Variants in PTPRD observed in about 807,000 individuals in gnomAD.
The protein encoded by PTPRD is protein tyrosine phosphatase receptor type D, also known as receptor-type tyrosine-protein phosphatase delta.
In PTPRD, 34 loss-of-function variants were observed where a neutral mutation model predicts 214.5. That is an observed-to-expected ratio of 0.16 (90% CI 0.12 to 0.21). PTPRD has a LOEUF of 0.21. PTPRD is among the 10% of genes least tolerant of loss of function. The pLI is 1.00. For synonymous variants in PTPRD, 1,128 were observed against 845.7 expected (o/e 1.33, Z -5.79); for missense variants, 2,545 against 2,398.7 (o/e 1.06, Z -1.27).
chr9:8,498,904 TGGAAATTTTC>T lies in PTPRD; in HGVS notation c.2322+733_2322+742del, dbSNP rs1214471942. 5.3e-5 allele frequency among the ~76,000 whole-genome samples: 8 copies of T among 152,340 alleles called. No individual in the cohort carries two copies. In the East Asian group the frequency reaches 1.5e-3, roughly 29 times the overall value. On this transcript the variant is annotated intron_variant, in intron 25 of 45. Coordinates refer to ENST00000381196, the MANE Select transcript of PTPRD (RefSeq NM_002839.4). The stretch of plus-strand genomic sequence containing the variant: ...ATCACCTCTAATTTATGAAAAATTT[TGGAAATTTTC>T]AATGCTCTGTTTTAAACAACTAATT...
chr9:9,418,982 A>G (rs781603986), intron 8 of PTPRD, among the ~76,000 whole-genome samples: 1 of 151,796 alleles, frequency 6.6e-6, no homozygotes, highest in Admixed American at 6.6e-5. Flanking sequence ...CTTTCTAGAT[A>G]AGCAATAAAT....
intron 9 of PTPRD, among the ~76,000 whole-genome samples, chr9:9,275,104 T>C (rs1252275613): frequency 4.3e-5 from 3 of 69,016 alleles, no homozygotes; most frequent in South Asian, 3.3e-4. Flanking sequence ...ATATATATAA[T>C]ATATTATATA....
intron 30 of PTPRD, among the ~76,000 whole-genome samples, chr9:8,471,693 G>A (rs767870613): frequency 6.6e-6 from 1 of 151,966 alleles, no homozygotes; most frequent in Non-Finnish European, 1.5e-5. Context: ...AGAAAATCAC[G>A]ACTTAAGGGC....
chr9:9,488,987 G>A (rs984098392), intron 8 of PTPRD, among the ~76,000 whole-genome samples: 1 of 152,088 alleles, frequency 6.6e-6, no homozygotes, highest in East Asian at 1.9e-4. Flanking sequence ...GGCCATTATT[G>A]TTGCACTACT....
intron 3 of PTPRD, among the ~76,000 whole-genome samples, chr9:10,100,907 C>A (rs1193450233): frequency 6.6e-6 from 1 of 151,582 alleles, no homozygotes; most frequent in Non-Finnish European, 1.5e-5. Context: ...GAGCAGGCAG[C>A]ATACTGAGAT....
chr9:8,610,167 G>T (rs2095394216), intron 14 of PTPRD, among the ~76,000 whole-genome samples: 1 of 152,100 alleles, frequency 6.6e-6, no homozygotes, highest in Non-Finnish European at 1.5e-5. Flanking sequence ...ATTATTATTT[G>T]TTGTTGTGCA....
chr9:9,879,392 A>G (rs1190101610), intron 5 of PTPRD, among the ~76,000 whole-genome samples: 1 of 152,178 alleles, frequency 6.6e-6, no homozygotes, highest in Non-Finnish European at 1.5e-5. Flanking sequence ...GAATCTGCCT[A>G]AGGGCAACCT....
intron 5 of PTPRD, among the ~76,000 whole-genome samples, chr9:9,796,753 G>A (rs1345903392): frequency 6.6e-6 from 1 of 152,116 alleles, no homozygotes; most frequent in Non-Finnish European, 1.5e-5. Flanking sequence ...AAGTCTTCAG[G>A]AATGAAAGGG....
At chr9:9,547,578 A>T (rs2079094320) in intron 8 of PTPRD, among the ~76,000 whole-genome samples, 2 of 152,200 alleles carry the variant, frequency 1.3e-5, no homozygotes, top group South Asian at 4.1e-4. Flanking sequence ...TGACACTCAT[A>T]GTAAAGGCTG....
At chr9:9,868,112 T>C (rs1212666080) in intron 5 of PTPRD, among the ~76,000 whole-genome samples, 4 of 152,164 alleles carry the variant, frequency 2.6e-5, no homozygotes, top group South Asian at 2.1e-4. Flanking sequence ...CACTATGCTT[T>C]TGGCAGTCTA....
intron 12 of PTPRD, among the ~76,000 whole-genome samples, chr9:8,707,342 A>C (rs1255851189): frequency 1.3e-5 from 2 of 152,226 alleles, no homozygotes; most frequent in Non-Finnish European, 2.9e-5. Flanking sequence ...AAATTGAATT[A>C]TGTCTCTCAA....
chr9:9,434,930 GTT>G (rs2084634302), intron 8 of PTPRD, among the ~76,000 whole-genome samples: 1 of 149,566 alleles, frequency 6.7e-6, no homozygotes. Context: ...AGTATCCTCT[GTT>G]TTCATTAGAC....
At chr9:8,780,121 T>A (rs2095637336) in intron 11 of PTPRD, among the ~76,000 whole-genome samples, 1 of 152,104 alleles carries the variant, frequency 6.6e-6, no homozygotes, top group Non-Finnish European at 1.5e-5. Flanking sequence ...AAGAATAGCA[T>A]TTTCCAAACA....
chr9:9,886,482 T>C (rs1017965215), intron 5 of PTPRD, among the ~76,000 whole-genome samples: 12 of 152,068 alleles, frequency 7.9e-5, no homozygotes, highest in Non-Finnish European at 1.6e-4. Flanking sequence ...GGCTGTGTAT[T>C]TTTCCCATGG....
rs572675575 is a variant in PTPRD, at chr9:8,349,765, C to G, written c.4662-7787G>C. Among the ~76,000 whole-genome samples the G allele has an allele frequency of 2.6e-5, 4 of 152,196 alleles. No individual in the cohort carries two copies. In the South Asian group the frequency reaches 8.3e-4, roughly 32 times the overall value. On this transcript the variant is annotated intron_variant, in intron 39 of 45. Coordinates refer to ENST00000381196, the MANE Select transcript of PTPRD (RefSeq NM_002839.4). ...ACAGAAAATTCCAGCAAAAAGAGAACGGCAAGTTTAAATGGAGTCTAGCAT... is the reference window on the plus strand; with the variant it reads ...ACAGAAAATTCCAGCAAAAAGAGAAGGGCAAGTTTAAATGGAGTCTAGCAT...
chr9:8,330,330 A>AAGTACATTGTTGTTTG, intron 44 of PTPRD, among the ~76,000 whole-genome samples: 1 of 152,098 alleles, frequency 6.6e-6, no homozygotes, highest in East Asian at 1.9e-4. Flanking sequence ...CAGCTCTTGT[A>AAGTACATTGTTGTTTG]AGTACATTGT....
chr9:8,545,362 G>A (rs541773287), intron 14 of PTPRD, among the ~76,000 whole-genome samples: 4 of 152,110 alleles, frequency 2.6e-5, no homozygotes, highest in Non-Finnish European at 5.9e-5. Context: ...GGGGTACCTG[G>A]ACTCCAGGAT....
intron 11 of PTPRD, among the ~76,000 whole-genome samples, chr9:8,917,833 A>T (rs758444287): frequency 1.3e-5 from 2 of 152,150 alleles, no homozygotes; most frequent in Non-Finnish European, 2.9e-5. Context: ...ATTGCTAGAG[A>T]CCATTTGATG....
intron 2 of PTPRD, among the ~76,000 whole-genome samples, chr9:10,379,454 G>A (rs2097782366): frequency 1.3e-5 from 2 of 151,836 alleles, no homozygotes; most frequent in Admixed American, 6.6e-5. Context: ...GATCTTAGAG[G>A]AAAGGCTTAC....
Sources: gnomAD v4.1 joint callset for allele counts (sites outside exome capture counted in the v4.1 genomes callset) on GRCh38, gnomAD v4.1.1 for gene constraint, MANE v1.5 for transcripts, NCBI Gene and HGNC (gene_info 2026-07-23, HGNC 2026-07-21) for gene names.